Variants in EHD4 observed in about 807,000 individuals in gnomAD.
EHD4 encodes EH domain-containing protein 4.
EHD4 carries 37 observed loss-of-function variants against 51.0 expected under a neutral mutation model. The observed-to-expected ratio is 0.73, with a 90% CI of 0.56 to 0.95. The LOEUF is 0.95. Ranked by LOEUF, EHD4 falls within the 40% of genes least tolerant of loss-of-function variation. The pLI is 0.00. For synonymous variants in EHD4, 297 were observed against 317.3 expected, an observed-to-expected ratio of 0.94 and a Z score of 0.68; for missense variants, 632 against 733.1, an observed-to-expected ratio of 0.86 and a Z score of 1.59.
intron 5 of EHD4, among the ~76,000 whole-genome samples, chr15:41,902,022 T>G (rs2067481017): frequency 6.6e-6 from 1 of 152,170 alleles, no homozygotes; most frequent in Admixed American, 6.5e-5. Context: ...ACGTAGCTGG[T>G]AAGCCTGAGT....
At chr15:41,971,735 C>T (rs1025093576) in intron 1 of EHD4, among the ~76,000 whole-genome samples, 2 of 152,188 alleles carry the variant, frequency 1.3e-5, no homozygotes, top group Non-Finnish European at 2.9e-5. Context: ...CCTCTTTATC[C>T]CCTCCCCACA....
intron 3 of EHD4, among the ~76,000 whole-genome samples, chr15:41,936,143 T>C (rs1257866675): frequency 1.3e-5 from 2 of 152,214 alleles, no homozygotes; most frequent in Non-Finnish European, 2.9e-5. Flanking sequence ...AATCATGAAG[T>C]ATCACTTTTG....
chr15:41,942,817 T>C (rs201362603), intron 3 of EHD4: 1 of 343,326 alleles, frequency 2.9e-6, no homozygotes, highest in Non-Finnish European at 5.5e-6. Context: ...TACCTCCCAT[T>C]GTTTACCCCA....
intron 1 of EHD4, 131 bp downstream of exon 1, chr15:41,972,128 G>T: frequency 1.1e-6 from 1 of 931,698 alleles, no homozygotes. Context: ...AGGGCACCGG[G>T]CGCCGAGCTC....
chr15:41,972,300 C>G lies in EHD4; in HGVS notation c.195G>C (p.Leu65=). ...DADFENKPMI[L]LVGQYSTGKT... ...TGCCGGTGCTGTACTGGCCCACCAGCAGGATCATGGGCTTGTTCTCGAAGT... is the reference window on the plus strand; with the variant it reads ...TGCCGGTGCTGTACTGGCCCACCAGGAGGATCATGGGCTTGTTCTCGAAGT... The change falls in exon 1 of 6, where the codon CTG becomes CTC. Residue 65 remains leucine, a synonymous_variant. Coordinates refer to ENST00000220325, the MANE Select transcript of EHD4 (RefSeq NM_139265.4). The G allele has an allele frequency of 6.2e-7, 1 of 1,610,150 alleles. No homozygotes were observed. The highest frequency in any genetic ancestry group is 8.5e-7 in the Non-Finnish European group (1 of 1,178,416).
At chr15:41,948,799 C>G (rs986079541) in intron 2 of EHD4, among the ~76,000 whole-genome samples, 5 of 151,850 alleles carry the variant, frequency 3.3e-5, no homozygotes, top group Non-Finnish European at 7.4e-5. Context: ...GAGGCCAAGG[C>G]GGGTAGACTG....
chr15:41,905,718 T>A (rs1256997471), intron 5 of EHD4, among the ~76,000 whole-genome samples: 1 of 152,232 alleles, frequency 6.6e-6, no homozygotes, highest in African/African-American at 2.4e-5. Flanking sequence ...TCGCCCAGGC[T>A]GGAGTGCAGT....
At chr15:41,909,991 G>T in intron 4 of EHD4, 128 bp from the exon 5 acceptor site, 1 of 1,207,330 alleles carries the variant, frequency 8.3e-7, no homozygotes, top group South Asian at 1.4e-5. Flanking sequence ...CCCAAGGACA[G>T]GAGGAGGGGA....
At chr15:41,929,853 A>ATAG (rs1295516135) in intron 3 of EHD4, among the ~76,000 whole-genome samples, 1 of 152,246 alleles carries the variant, frequency 6.6e-6, no homozygotes, top group Non-Finnish European at 1.5e-5. Flanking sequence ...CAGCGTCTGT[A>ATAG]TAGTACAGAC....
intron 5 of EHD4, among the ~76,000 whole-genome samples, chr15:41,903,903 G>C (rs1168949632): frequency 6.6e-6 from 1 of 152,126 alleles, no homozygotes; most frequent in African/African-American, 2.4e-5. Context: ...TGCAGGCCGG[G>C]TCTCTCAAAC....
At position 41,897,205 on chromosome 15, in the gene EHD4, T is replaced by G. The variant is rs1460461110; in HGVS notation, c.*3440A>C. 2 of 152,270 alleles carry G rather than the reference T, an allele frequency of 1.3e-5. No individual in the cohort carries two copies. The highest frequency in any genetic ancestry group is 2.9e-5 in the Non-Finnish European group (2 of 68,056). The allele number at this position is 152,270 out of a possible 1,614,324, so 9.4% of individuals were successfully genotyped here. On this transcript the variant is annotated 3_prime_UTR_variant, in exon 6 of 6. Coordinates refer to ENST00000220325, the MANE Select transcript of EHD4 (RefSeq NM_139265.4). ...ACTCAGTGGTTTTCTGTCCTAAGCATGCTTGCCTGCTACATCCCATGGAGA... is the reference window on the plus strand; with the variant it reads ...ACTCAGTGGTTTTCTGTCCTAAGCAGGCTTGCCTGCTACATCCCATGGAGA...
rs1278349885 is a variant in EHD4 at position 41,965,107 on chromosome 15, T to C, written c.236+7152A>G. Among the ~76,000 whole-genome samples the C allele has an allele frequency of 2.0e-5, 3 of 152,110 alleles. No homozygotes were observed. The East Asian group carries it at 5.8e-4, about 29-fold the overall frequency. On this transcript the variant is annotated intron_variant, in intron 1 of 5. Transcript: ENST00000220325. Reference sequence around the variant, plus strand: ...ATTTTTTGAGGCACTAATTTATGCTTAGGCTATTCTAAGAAAAAAACTAGA... The same window carrying C: ...ATTTTTTGAGGCACTAATTTATGCTCAGGCTATTCTAAGAAAAAAACTAGA...
chr15:41,915,066 C>T (rs983570858), intron 4 of EHD4, among the ~76,000 whole-genome samples: 3 of 149,696 alleles, frequency 2.0e-5, no homozygotes, highest in African/African-American at 5.0e-5. Context: ...CTCTTTAGTA[C>T]ATGTGTCTCA....
chr15:41,903,453 T>TACACACAC (rs146543286), intron 5 of EHD4, among the ~76,000 whole-genome samples: 195 of 144,486 alleles, frequency 1.3e-3, no homozygotes, highest in South Asian at 4.2e-3. Flanking sequence ...TTAACATACA[T>TACACACAC]ACACACACAC....
chr15:41,916,784 A>G (rs911316435), intron 4 of EHD4, among the ~76,000 whole-genome samples: 26 of 152,216 alleles, frequency 1.7e-4, no homozygotes, highest in African/African-American at 6.3e-4. Context: ...AGCAACTGGC[A>G]CTGAGAAGCT....
intron 2 of EHD4, among the ~76,000 whole-genome samples, chr15:41,948,125 G>A (rs994856835): frequency 2.1e-4 from 32 of 152,080 alleles, no homozygotes; most frequent in African/African-American, 7.2e-4. Flanking sequence ...GTGGTGGTGA[G>A]CACCTGTAAT....
intron 1 of EHD4, among the ~76,000 whole-genome samples, chr15:41,966,347 C>T (rs1458553504): frequency 6.6e-6 from 1 of 152,158 alleles, no homozygotes; most frequent in East Asian, 1.9e-4. Context: ...TACTGACCAC[C>T]ACCTCTCTCC....
Position 41,913,691 on chromosome 15 carries a change from G to C in EHD4, c.925-3828C>G, listed in dbSNP as rs1004965367. Among the ~76,000 whole-genome samples, 6 of 152,334 alleles carry C rather than the reference G, an allele frequency of 3.9e-5. No individual in the cohort carries two copies. The South Asian group carries it at 8.3e-4, about 21-fold the overall frequency. ...CAGCTGGAGGTACAGTAATGAGAGA[G>C]AGGGCTCCCGGCTGGTTACTCCTTA... On this transcript the variant is annotated intron_variant, in intron 4 of 5. Transcript: ENST00000220325.
At chr15:41,966,379 G>A (rs2067961870) in intron 1 of EHD4, among the ~76,000 whole-genome samples, 1 of 152,084 alleles carries the variant, frequency 6.6e-6, no homozygotes, top group African/African-American at 2.4e-5. Flanking sequence ...GGGGGTCATC[G>A]TTGCTTTACT....
Sources: gnomAD v4.1 joint callset for allele counts (sites outside exome capture counted in the v4.1 genomes callset) on GRCh38, gnomAD v4.1.1 for gene constraint, MANE v1.5 for transcripts, NCBI Gene and HGNC (gene_info 2026-07-23, HGNC 2026-07-21) for gene names.